Variants in TBC1D5 observed in about 807,000 individuals in gnomAD.
The protein encoded by TBC1D5 is TBC1 domain family member 5.
Under a neutral mutation model 100.3 loss-of-function variants are expected in TBC1D5, and 75 were observed. That is an observed-to-expected ratio of 0.75 (90% CI 0.62 to 0.91). The LOEUF (loss-of-function observed/expected upper bound fraction) is 0.91, where lower values mean the gene tolerates loss of function less well. Among genes scored for constraint, TBC1D5 ranks in the 40% least tolerant of loss-of-function variants. The probability of loss-of-function intolerance (pLI) is 0.00; values close to 1 mark genes in which losing one functional copy is unlikely to be tolerated. For synonymous variants in TBC1D5, 323 were observed against 325.6 expected (o/e 0.99, Z 0.09); for missense variants, 910 against 942.4 (o/e 0.97, Z 0.45).
At chr3:17,223,273 C>T (rs1040281916) in intron 17 of TBC1D5, among the ~76,000 whole-genome samples, 2 of 152,106 alleles carry the variant, frequency 1.3e-5, no homozygotes, top group Admixed American at 6.6e-5. Flanking sequence ...TAGCTGGGTA[C>T]TATTAATTTT....
chr3:17,428,568 T>C, intron 3 of TBC1D5, 49 bp from the exon 4 acceptor site: 2 of 1,082,254 alleles, frequency 1.8e-6, no homozygotes, highest in Non-Finnish European at 1.3e-6. Flanking sequence ...AACTGAATAT[T>C]TCAGTTGAAA....
chr3:17,507,762 C>A (rs763497800), intron 3 of TBC1D5, among the ~76,000 whole-genome samples: 1 of 152,082 alleles, frequency 6.6e-6, no homozygotes, highest in Non-Finnish European at 1.5e-5. Flanking sequence ...TTAACTTTAT[C>A]AAATATTTAG....
rs75681203 is a variant in TBC1D5, at chr3:17,370,561, G to A, written c.995+1514C>T. ...ACACACAATTTTCTCATTTCCAGTG[G>A]AAATAATGAAGCTGCTCTCAATGAT... On this transcript the variant is annotated intron_variant, in intron 13 of 21. Coordinates refer to ENST00000253692, the Ensembl canonical transcript of TBC1D5. 3.5e-3 allele frequency among the ~76,000 whole-genome samples: 539 copies of A among 152,212 alleles called. 1 individual carries two copies. Among genetic ancestry groups the A allele is most frequent in the Non-Finnish European group, 5.6e-3 (379 of 68,006 alleles).
At chr3:17,157,698 G>A (rs1327717372) in exon 22 of TBC1D5, 1 of 152,214 alleles carries the variant, frequency 6.6e-6, no homozygotes, top group Admixed American at 6.5e-5. Context: ...AACCCTTGGA[G>A]CAGTTCCTTA....
chr3:17,238,884 C>T (rs2076090328), intron 16 of TBC1D5, among the ~76,000 whole-genome samples: 1 of 152,056 alleles, frequency 6.6e-6, no homozygotes, highest in South Asian at 2.1e-4. Context: ...TCTTACCAGC[C>T]CTGGCACATG....
rs114242568 is a variant in TBC1D5, at chr3:17,239,796, G to C, written c.1332-1377C>G. Among the ~76,000 whole-genome samples the C allele has an allele frequency of 7.8e-3, 1,185 of 152,238 alleles. 7 individuals carry two copies. The highest frequency in any genetic ancestry group is 0.044 in the Middle Eastern group (13 of 294). ...CAATTCCCAAATGACTCAGAATCTT[G>C]CAGTATCTCAGGGCTATTATCTTGA... On this transcript the variant is annotated intron_variant, in intron 16 of 21. Coordinates refer to ENST00000253692, the Ensembl canonical transcript of TBC1D5.
chr3:17,269,279 C>A (rs896876399), intron 15 of TBC1D5, among the ~76,000 whole-genome samples: 17 of 152,048 alleles, frequency 1.1e-4, no homozygotes, highest in African/African-American at 4.1e-4. Context: ...AGAATGCTCA[C>A]GAACAGTGAA....
chr3:17,548,649 GAAA>G, intron 2 of TBC1D5, among the ~76,000 whole-genome samples: 1 of 152,256 alleles, frequency 6.6e-6, no homozygotes, highest in Non-Finnish European at 1.5e-5. Context: ...ACATGGTAGG[GAAA>G]AGAGTAGAGA....
intron 4 of TBC1D5, among the ~76,000 whole-genome samples, chr3:17,418,077 T>C (rs192300983): frequency 6.6e-6 from 1 of 152,248 alleles, no homozygotes; most frequent in African/African-American, 2.4e-5. Context: ...ATAACATCTA[T>C]AATCATGGAA....
intron 1 of TBC1D5, among the ~76,000 whole-genome samples, chr3:17,687,163 T>C (rs1385469611): frequency 6.6e-6 from 1 of 152,156 alleles, no homozygotes; most frequent in Admixed American, 6.5e-5. Context: ...TATGTATTCT[T>C]CACTTATATG....
chr3:17,622,432 C>T (rs764598453), intron 2 of TBC1D5, among the ~76,000 whole-genome samples: 8 of 152,040 alleles, frequency 5.3e-5, no homozygotes, highest in African/African-American at 1.2e-4. Context: ...ACCATTTATG[C>T]GTAGCAATAT....
intron 13 of TBC1D5, among the ~76,000 whole-genome samples, chr3:17,345,634 G>A (rs1385803337): frequency 1.3e-5 from 2 of 151,518 alleles, no homozygotes; most frequent in East Asian, 3.9e-4. Context: ...TGTTTATTGC[G>A]GCACTATTCA....
intron 3 of TBC1D5, among the ~76,000 whole-genome samples, chr3:17,481,678 G>A (rs2095503962): frequency 6.6e-6 from 1 of 152,222 alleles, no homozygotes; most frequent in Non-Finnish European, 1.5e-5. Flanking sequence ...GAATAAATAT[G>A]CTATAAGCCT....
chr3:17,616,654 G>A (rs1266693279), intron 2 of TBC1D5, among the ~76,000 whole-genome samples: 1 of 152,024 alleles, frequency 6.6e-6, no homozygotes, highest in Admixed American at 6.6e-5. Flanking sequence ...GGCCTTCTTT[G>A]TCTCTTTGGA....
At chr3:17,259,649 T>C (rs1322869362) in intron 15 of TBC1D5, among the ~76,000 whole-genome samples, 1 of 144,982 alleles carries the variant, frequency 6.9e-6, no homozygotes, top group Non-Finnish European at 1.5e-5. Flanking sequence ...AAATTACCAA[T>C]ATGCGCAGAA....
At chr3:17,701,470 T>C (rs1300850291) in intron 1 of TBC1D5, among the ~76,000 whole-genome samples, 2 of 151,864 alleles carry the variant, frequency 1.3e-5, no homozygotes, top group Admixed American at 6.6e-5. Flanking sequence ...GAACTTAAAG[T>C]ATAATAATAA....
At chr3:17,596,042 C>T (rs781008561) in intron 2 of TBC1D5, among the ~76,000 whole-genome samples, 14 of 152,124 alleles carry the variant, frequency 9.2e-5, no homozygotes, top group Non-Finnish European at 1.5e-4. Flanking sequence ...CTAAGGCTGA[C>T]CTGTAAGCTT....
chr3:17,733,953 G>A (rs77534638), intron 1 of TBC1D5, among the ~76,000 whole-genome samples: 9,987 of 152,026 alleles, frequency 0.066, 410 homozygotes, highest in Non-Finnish European at 0.091. Flanking sequence ...AATATATACA[G>A]CATTAAAGAA....
chr3:17,708,617 A>G (rs759609339), intron 1 of TBC1D5, among the ~76,000 whole-genome samples: 1 of 152,230 alleles, frequency 6.6e-6, no homozygotes, highest in African/African-American at 2.4e-5. Flanking sequence ...TGTGACAACA[A>G]AAAGTATCTC....
Sources: allele counts gnomAD v4.1 joint callset (sites outside exome capture counted in the v4.1 genomes callset), GRCh38; gene constraint gnomAD v4.1.1; transcripts MANE v1.5; gene names NCBI Gene and HGNC (gene_info 2026-07-23, HGNC 2026-07-21).